ITIH2: variants seen among roughly 807,000 people sequenced by gnomAD.
ITIH2 encodes the protein inter-alpha-trypsin inhibitor heavy chain 2, also known as inter-alpha-trypsin inhibitor heavy chain H2.
A neutral mutation model predicts 104.4 loss-of-function variants in ITIH2; 103 were observed. That is an observed-to-expected ratio of 0.99 (90% CI 0.84 to 1.16). ITIH2 has a LOEUF of 1.16. Among genes scored for constraint, ITIH2 ranks in the 50% most tolerant of loss-of-function variants. The pLI is 0.00. For synonymous variants in ITIH2, 436 were observed against 435.4 expected, an observed-to-expected ratio of 1.00 and a Z score of -0.02; for missense variants, 1,108 against 1,162.4, an observed-to-expected ratio of 0.95 and a Z score of 0.68.
At position 7,717,752 on chromosome 10, in the gene ITIH2, C is replaced by T; in HGVS notation, c.594C>T (p.Ile198=). ...WRKLGSYEHR[I]YLQPGRLAKH... ...AGCTGGGCTCCTATGAGCACAGGATCTATCTGCAACCTGGACGGCTGGCCA... is the reference window on the plus strand; with the variant it reads ...AGCTGGGCTCCTATGAGCACAGGATTTATCTGCAACCTGGACGGCTGGCCA... The change falls in exon 6 of 21, where the codon ATC becomes ATT. Residue 198 remains isoleucine (I), a synonymous_variant. Transcript: ENST00000358415. 6.2e-7 allele frequency: 1 copy of T among 1,612,344 alleles called. No homozygotes were observed. Among genetic ancestry groups the T allele is most frequent in the Non-Finnish European group, 8.5e-7 (1 of 1,179,600 alleles).
chr10:7,710,551 G>A (rs1163339297), intron 4 of ITIH2, among the ~76,000 whole-genome samples: 2 of 152,060 alleles, frequency 1.3e-5, no homozygotes, highest in Admixed American at 6.6e-5. Context: ...AAGACATTAG[G>A]TTGAATTACT....
chr10:7,731,215 C>T (rs1834999690), intron 12 of ITIH2, among the ~76,000 whole-genome samples: 1 of 152,100 alleles, frequency 6.6e-6, no homozygotes, highest in Admixed American at 6.5e-5. Flanking sequence ...CCATGCCCGA[C>T]CTCCTGCTGA....
intron 1 of ITIH2, 56 bp from the exon 2 acceptor site, chr10:7,705,052 C>T (rs919872153): frequency 1.0e-4 from 118 of 1,178,776 alleles, no homozygotes; most frequent in Non-Finnish European, 1.4e-4. Context: ...CACATGTACC[C>T]CAGAACTTAC....
Position 7,743,197 on chromosome 10 carries a change from T to C in ITIH2, c.2147T>C (p.Ile716Thr). The C allele has an allele frequency of 6.3e-7, 1 of 1,594,212 alleles. No homozygotes were observed. The highest frequency in any genetic ancestry group is 8.5e-7 in the Non-Finnish European group (1 of 1,171,890). ...TATCTACCAAAAAGCCAAAAGAACA[T>C]TTGTTTCAATATTGACTCAGAACCT... ...IIYLPKSQKN[I>T]CFNIDSEPGK... The change falls in exon 17 of 21, where the codon ATT becomes ACT. Residue 716 changes from isoleucine (I) to threonine (T), a missense_variant. Physicochemically the swap from Ile to Thr is moderately conservative, Grantham distance 89. Coordinates refer to ENST00000358415, the MANE Select transcript of ITIH2 (RefSeq NM_002216.3).
At chr10:7,744,745 A>C in intron 18 of ITIH2, 46 bp from the exon 19 acceptor site, 1 of 1,535,134 alleles carries the variant, frequency 6.5e-7, no homozygotes. Flanking sequence ...CTTTCTCAAA[A>C]GGTCTGTTCT....
chr10:7,713,187 G>A lies in ITIH2; in HGVS notation c.369G>A (p.Val123=). 6.2e-7 allele frequency: 1 copy of A among 1,613,274 alleles called. No individual in the cohort carries two copies. Among genetic ancestry groups the A allele is most frequent in the South Asian group, 1.1e-5 (1 of 91,050 alleles). ...ACCTTCTGTCATTTTCTAGGACTGT[G>A]GACGGCAAGACATTTAGGAGCTCTA... ...GAFISNFSMT[V]DGKTFRSSIK... is the part of the protein sequence containing the mutation. The change falls in exon 5 of 21, where the codon GTG becomes GTA. Residue 123 remains valine (V), a synonymous_variant. Coordinates refer to ENST00000358415, the MANE Select transcript of ITIH2 (RefSeq NM_002216.3).
chr10:7,729,727 A>G, intron 11 of ITIH2: 2 of 438,728 alleles, frequency 4.6e-6, no homozygotes, highest in Admixed American at 4.0e-5. Flanking sequence ...GTTGTTTCCA[A>G]TATGTTGCTA....
rs188926225 is a variant in ITIH2 at position 7,736,168 on chromosome 10, C to T, written c.1957+1077C>T. Among the ~76,000 whole-genome samples the T allele has an allele frequency of 1.5e-3, 227 of 152,030 alleles. No homozygotes were observed. The Middle Eastern group carries it at 0.017, about 11-fold the overall frequency. Reference sequence around the variant, plus strand: ...ATTGCTTGAGCCTATGAACATGAGACGAGCCTGGTCAACATAGCAAAACCC... The same window carrying T: ...ATTGCTTGAGCCTATGAACATGAGATGAGCCTGGTCAACATAGCAAAACCC... On this transcript the variant is annotated intron_variant, in intron 15 of 20. Coordinates refer to ENST00000358415, the MANE Select transcript of ITIH2 (RefSeq NM_002216.3).
Position 7,727,749 on chromosome 10 carries a change from T to C in ITIH2, c.1200T>C (p.Asn400=), listed in dbSNP as rs773304469. 6.2e-7 allele frequency: 1 copy of C among 1,614,178 alleles called. No individual in the cohort carries two copies. The stretch of plus-strand genomic sequence containing the variant: ...TCCTACGGGCAATCTTCATTTTGAA[T>C]GAAGCCAATAACTTGGGACTGTTAG... ...EALLRAIFIL[N]EANNLGLLDP... is the part of the protein sequence containing the mutation. Residue 400 remains asparagine, a synonymous_variant, in exon 11 of 21, where the codon AAT becomes AAC. Transcript: ENST00000358415.
chr10:7,704,627 G>A lies in ITIH2; in HGVS notation c.85-481G>A, dbSNP rs60410346. ...ATGAATTCCCATGTCCAACAAATGC[G>A]AAGGTGTTGTTACCCTCCATTTGGA... On this transcript the variant is annotated intron_variant, in intron 1 of 20. Transcript: ENST00000358415. Among the ~76,000 whole-genome samples, 310 of 152,232 alleles carry A rather than the reference G, an allele frequency of 2.0e-3. 4 individuals carry two copies. The highest frequency in any genetic ancestry group is 7.3e-3 in the African/African-American group (302 of 41,518).
rs202086391 is a variant in ITIH2 at position 7,731,844 on chromosome 10, C to T, written c.1495C>T (p.Arg499Trp). The T allele has an allele frequency of 5.4e-5, 87 of 1,612,522 alleles. No homozygotes were observed. The highest frequency in any genetic ancestry group is 1.0e-4 in the Admixed American group (6 of 59,828). The change falls in exon 13 of 21, where the codon CGG (arginine) becomes TGG (tryptophan). Residue 499 changes from arginine (R) to tryptophan (W), a missense_variant. Transcript: ENST00000358415. The stretch of plus-strand genomic sequence containing the variant: ...CAACCAGGTCTCCACTCCATTGCTC[C>T]GGAATGTTCAGTTCAACTATCCCCA... The part of the protein sequence containing the change: ...FYNQVSTPLL[R>W]NVQFNYPHTS...
At chr10:7,709,293 G>T in intron 4 of ITIH2, 102 bp downstream of exon 4, 1 of 1,039,608 alleles carries the variant, frequency 9.6e-7, no homozygotes, top group Middle Eastern at 2.5e-4. Context: ...TGTCCCAGAG[G>T]ACCGGCTGGA....
At chr10:7,743,642 G>A (rs117328044) in intron 17 of ITIH2, among the ~76,000 whole-genome samples, 6,599 of 151,910 alleles carry the variant, frequency 0.043, 222 homozygotes, top group Non-Finnish European at 0.059. Flanking sequence ...TTACCCAGGC[G>A]TGGTGGTACA....
intron 1 of ITIH2, among the ~76,000 whole-genome samples, chr10:7,704,566 T>C (rs1233817865): frequency 6.6e-6 from 1 of 152,222 alleles, no homozygotes; most frequent in Non-Finnish European, 1.5e-5. Flanking sequence ...TGGGTTGTTT[T>C]GATCTCTGTC....
intron 6 of ITIH2, among the ~76,000 whole-genome samples, chr10:7,718,412 A>G (rs1168606290): frequency 6.6e-6 from 1 of 152,096 alleles, no homozygotes; most frequent in Non-Finnish European, 1.5e-5. Flanking sequence ...GCGCATCTTT[A>G]GGGGGGGAGG....
Position 7,709,065 on chromosome 10 carries a change from C to T in ITIH2, c.236C>T (p.Ser79Phe), listed in dbSNP as rs749149620. The T allele has an allele frequency of 6.8e-6, 11 of 1,614,000 alleles. No homozygotes were observed. The highest frequency in any genetic ancestry group is 9.3e-6 in the Non-Finnish European group (11 of 1,179,910). ...QVTLYSYKVQ[S>F]TITSRMATTM... Reference sequence around the variant, plus strand: ...ACTCTTTATAGCTATAAAGTCCAGTCTACTATTACTTCTCGGATGGCCACC... The same window carrying T: ...ACTCTTTATAGCTATAAAGTCCAGTTTACTATTACTTCTCGGATGGCCACC... Residue 79 changes from serine (S) to phenylalanine (F), a missense_variant, in exon 4 of 21, where the codon TCT becomes TTT. Ser to Phe is a radical substitution (Grantham distance 155). Coordinates refer to ENST00000358415, the MANE Select transcript of ITIH2 (RefSeq NM_002216.3).
At chr10:7,705,025 C>A in intron 1 of ITIH2, 83 bp from the exon 2 acceptor site, 2 of 864,138 alleles carry the variant, frequency 2.3e-6, no homozygotes, top group Non-Finnish European at 3.6e-6. Flanking sequence ...ACCTATGTAA[C>A]AAATCTGCAC....
intron 6 of ITIH2, 47 bp from the exon 7 acceptor site, chr10:7,720,808 AC>A (rs755010481): frequency 1.7e-6 from 2 of 1,164,186 alleles, no homozygotes; most frequent in African/African-American, 3.0e-5. Flanking sequence ...GCTTAAAAAG[AC>A]TTTAAAGACT....
At chr10:7,724,773 C>A (rs1834937528) in intron 9 of ITIH2, among the ~76,000 whole-genome samples, 1 of 151,976 alleles carries the variant, frequency 6.6e-6, no homozygotes, top group East Asian at 1.9e-4. Context: ...GCAGCATGGT[C>A]TATGGTCTAT....
Sources: gnomAD v4.1 joint callset for allele counts (sites outside exome capture counted in the v4.1 genomes callset) on GRCh38, gnomAD v4.1.1 for gene constraint, MANE v1.5 for transcripts, NCBI Gene and HGNC (gene_info 2026-07-23, HGNC 2026-07-21) for gene names.